The following PCDH11X variants were observed in gnomAD, a reference collection of about 807,000 sequenced individuals.
PCDH11X encodes the protein protocadherin 11 X-linked.
Under a neutral mutation model 53.3 loss-of-function variants are expected in PCDH11X, and 18 were observed. That is an observed-to-expected ratio of 0.34 (90% CI 0.23 to 0.50). The LOEUF (loss-of-function observed/expected upper bound fraction) is 0.50. Among genes scored for constraint, PCDH11X ranks in the 20% least tolerant of loss-of-function variants. PCDH11X has a pLI of 0.98. For synonymous variants in PCDH11X, 279 were observed against 393.3 expected (o/e 0.71, Z 3.44); for missense variants, 570 against 1,032.4 (o/e 0.55, Z 6.14).
intron 7 of PCDH11X, among the ~76,000 whole-genome samples, chrX:92,243,132 C>A (rs2067290248): frequency 9.0e-6 from 1 of 111,563 alleles, no homozygotes; most frequent in African/African-American, 3.2e-5. Context: ...GTAAGCATTT[C>A]ACTTTAGGTG....
chrX:92,208,091 A>G (rs1233361116), intron 7 of PCDH11X, among the ~76,000 whole-genome samples: 1 of 107,824 alleles, frequency 9.3e-6, no homozygotes, highest in Non-Finnish European at 1.9e-5. Flanking sequence ...GCTACTCAGC[A>G]GGCTGAGGCA....
intron 9 of PCDH11X, among the ~76,000 whole-genome samples, chrX:92,415,903 T>A (rs947071065): frequency 8.9e-6 from 1 of 112,001 alleles, no homozygotes; most frequent in Non-Finnish European, 1.9e-5. Flanking sequence ...AAATACACTT[T>A]ATCTTTGAAG....
chrX:92,069,737 A>C (rs979874570), intron 6 of PCDH11X, among the ~76,000 whole-genome samples: 12 of 111,624 alleles, frequency 1.1e-4, no homozygotes, highest in African/African-American at 3.9e-4. Context: ...GCTGGAGTGC[A>C]GTGGCACGAT....
chrX:91,878,914 A>G lies in PCDH11X; in HGVS notation c.2674A>G (p.Lys892Glu). 3 of 1,211,732 alleles carry G rather than the reference A, an allele frequency of 2.5e-6. No individual in the cohort carries two copies. Among genetic ancestry groups the G allele is most frequent in the Non-Finnish European group, 3.4e-6 (3 of 895,461 alleles). The change falls in exon 6 of 11, where the codon AAG (lysine) becomes GAG (glutamate). Residue 892 changes from lysine to glutamate, a missense_variant. Transcript: ENST00000682573. ...TAATTTTGTCACTATTGAAGAAACT[A>G]AGGCAGATGATGTTGACAGTGATGG... ...LLNFVTIEET[K>E]ADDVDSDGNR... is the part of the protein sequence containing the mutation.
At chrX:92,440,001 C>A (rs2148633901) in intron 9 of PCDH11X, among the ~76,000 whole-genome samples, 1 of 85,799 alleles carries the variant, frequency 1.2e-5, no homozygotes, top group African/African-American at 3.9e-5. Context: ...TTTAAAAAAA[C>A]AATTTTATTC....
At chrX:92,420,856 G>A (rs1267701633) in intron 9 of PCDH11X, among the ~76,000 whole-genome samples, 1 of 110,691 alleles carries the variant, frequency 9.0e-6, no homozygotes, top group African/African-American at 3.3e-5. Flanking sequence ...GAAGTTTTTG[G>A]TCCTAATTTC....
intron 6 of PCDH11X, among the ~76,000 whole-genome samples, chrX:91,990,129 T>A (rs73242601): frequency 0.15 from 16,783 of 110,446 alleles, 1,057 homozygotes; most frequent in East Asian, 0.25. Flanking sequence ...TGTTATTGTA[T>A]TTTTTATTCG....
chrX:92,098,609 T>G (rs182268438), intron 6 of PCDH11X, among the ~76,000 whole-genome samples: 1 of 105,781 alleles, frequency 9.5e-6, no homozygotes, highest in Non-Finnish European at 1.9e-5. Flanking sequence ...GAGCTGGTTG[T>G]GCTTGTCCAG....
intron 10 of PCDH11X, among the ~76,000 whole-genome samples, chrX:92,606,175 G>A (rs375765040): frequency 2.3e-5 from 2 of 88,417 alleles, no homozygotes; most frequent in Non-Finnish European, 4.2e-5. Context: ...AGGTTGCAGT[G>A]AGCCGGAGAT....
intron 10 of PCDH11X, among the ~76,000 whole-genome samples, chrX:92,617,458 T>C (rs1928105420): frequency 9.0e-6 from 1 of 111,658 alleles, no homozygotes; most frequent in South Asian, 3.7e-4. Flanking sequence ...CGTAGAGAAT[T>C]GATCTTTTTA....
chrX:92,311,917 T>C (rs2068959581), intron 8 of PCDH11X, among the ~76,000 whole-genome samples: 1 of 111,929 alleles, frequency 8.9e-6, no homozygotes, highest in Non-Finnish European at 1.9e-5. Context: ...TAAGTTTTTT[T>C]AATAGAAGAG....
At chrX:92,076,143 TA>T (rs2063769037) in intron 6 of PCDH11X, among the ~76,000 whole-genome samples, 1 of 107,840 alleles carries the variant, frequency 9.3e-6, no homozygotes, top group African/African-American at 3.4e-5. Flanking sequence ...AAATTGGTAG[TA>T]AAAGATAAAG....
At chrX:91,956,603 G>T (rs1461197887) in intron 6 of PCDH11X, among the ~76,000 whole-genome samples, 2 of 108,144 alleles carry the variant, frequency 1.8e-5, no homozygotes, top group South Asian at 4.2e-4. Context: ...TGGCTTGTAG[G>T]ATTTCCACTG....
chrX:92,423,307 C>T (rs144076967), intron 9 of PCDH11X, among the ~76,000 whole-genome samples: 3,425 of 97,051 alleles, frequency 0.035, 259 homozygotes, highest in East Asian at 0.1. Context: ...TGTACTTAGC[C>T]CACTTTTTGA....
At chrX:92,293,924 G>A (rs1215151419) in intron 8 of PCDH11X, among the ~76,000 whole-genome samples, 4 of 108,778 alleles carry the variant, frequency 3.7e-5, no homozygotes, top group African/African-American at 1.4e-4. Flanking sequence ...AAGACATTAA[G>A]AAATAGAAAT....
chrX:92,033,818 T>C (rs1040361822), intron 6 of PCDH11X, among the ~76,000 whole-genome samples: 3 of 110,701 alleles, frequency 2.7e-5, no homozygotes, highest in African/African-American at 9.8e-5. Flanking sequence ...TTTTCCAGTT[T>C]TTTAAGATGC....
At chrX:91,858,859 TC>T (rs1399701956) in intron 5 of PCDH11X, among the ~76,000 whole-genome samples, 1 of 111,286 alleles carries the variant, frequency 9.0e-6, no homozygotes, top group Non-Finnish European at 1.9e-5. Flanking sequence ...TTCCAAACTT[TC>T]CCACATCTTC....
chrX:92,287,707 G>A (rs779555172), intron 8 of PCDH11X, among the ~76,000 whole-genome samples: 78 of 111,244 alleles, frequency 7.0e-4, no homozygotes, highest in Middle Eastern at 9.3e-3. Context: ...TTTAGGCTTC[G>A]CACGCTAATA....
At chrX:91,828,362 C>T (rs776495313) in intron 4 of PCDH11X, among the ~76,000 whole-genome samples, 65 of 110,570 alleles carry the variant, frequency 5.9e-4, no homozygotes, top group Non-Finnish European at 8.7e-4. Context: ...CCTCGTGATC[C>T]GCCCGCTTCG....
Sources: allele counts gnomAD v4.1 joint callset (sites outside exome capture counted in the v4.1 genomes callset), GRCh38; gene constraint gnomAD v4.1.1; transcripts MANE v1.5; gene names NCBI Gene and HGNC (gene_info 2026-07-23, HGNC 2026-07-21).